The following ASCC3 variants were observed in gnomAD, a reference collection of about 807,000 sequenced individuals.
ASCC3 encodes the protein activating signal cointegrator 1 complex subunit 3, also known as ASC-1 complex subunit P200.
Under a neutral mutation model 256.3 loss-of-function variants are expected in ASCC3, and 158 were observed. The ratio of observed to expected loss-of-function variants is 0.62; its 90% CI spans 0.54 to 0.70. The LOEUF is 0.70. ASCC3 is among the 30% of genes least tolerant of loss of function. ASCC3 has a pLI of 0.00. For synonymous variants in ASCC3, 948 were observed against 883.4 expected (o/e 1.07, Z -1.30); for missense variants, 2,259 against 2,626.0 (o/e 0.86, Z 3.05).
At chr6:100,546,890 GA>G (rs1582425950) in intron 36 of ASCC3, among the ~76,000 whole-genome samples, 1 of 151,622 alleles carries the variant, frequency 6.6e-6, no homozygotes, top group Non-Finnish European at 1.5e-5. Flanking sequence ...TGACCCCATG[GA>G]AAAAAATATC....
At chr6:100,656,962 C>T (rs1380841713) in intron 16 of ASCC3, among the ~76,000 whole-genome samples, 3 of 150,842 alleles carry the variant, frequency 2.0e-5, no homozygotes, top group Admixed American at 1.3e-4. Context: ...CAAACCCTCT[C>T]GATTTAGTCC....
intron 8 of ASCC3, among the ~76,000 whole-genome samples, chr6:100,786,249 T>A (rs557168540): frequency 6.6e-6 from 1 of 152,160 alleles, no homozygotes. Flanking sequence ...TAGGGTGCTA[T>A]GTCAATAGTT....
intron 10 of ASCC3, among the ~76,000 whole-genome samples, chr6:100,729,372 T>G (rs1779791686): frequency 6.6e-6 from 1 of 152,158 alleles, no homozygotes; most frequent in Non-Finnish European, 1.5e-5. Context: ...TAGAAGAAGA[T>G]CTCGAACAAA....
chr6:100,543,355 T>C (rs1228702648), intron 36 of ASCC3, among the ~76,000 whole-genome samples: 1 of 152,122 alleles, frequency 6.6e-6, no homozygotes, highest in Non-Finnish European at 1.5e-5. Context: ...AATTGATTAA[T>C]CTATGAATGC....
chr6:100,736,746 C>T (rs9373587), intron 10 of ASCC3, among the ~76,000 whole-genome samples: 143,142 of 152,248 alleles, frequency 0.94, 67,611 homozygotes, highest in South Asian at 0.99. Flanking sequence ...ATGAATGTTG[C>T]TAAGGAAGGG....
intron 37 of ASCC3, among the ~76,000 whole-genome samples, chr6:100,529,619 C>T (rs780725755): frequency 2.6e-5 from 4 of 151,886 alleles, no homozygotes; most frequent in South Asian, 2.1e-4. Flanking sequence ...TGGGAATTCT[C>T]GGTTAAAAAA....
At position 100,517,194 on chromosome 6, in the gene ASCC3, C is replaced by T. The variant is rs550952391; in HGVS notation, c.5927+797G>A. The stretch of plus-strand genomic sequence containing the variant: ...ATTTAAGTCAAATTGAGGGACTTTC[C>T]TGAGGAGACTTGCTGTGTGCCTGAG... On this transcript the variant is annotated intron_variant, in intron 38 of 41. Transcript: ENST00000369162. Among the ~76,000 whole-genome samples, 4 of 152,166 alleles carry T rather than the reference C, an allele frequency of 2.6e-5. No individual in the cohort carries two copies. The East Asian group carries it at 7.7e-4, about 29-fold the overall frequency.
intron 22 of ASCC3, among the ~76,000 whole-genome samples, chr6:100,644,911 C>T (rs992328169): frequency 6.6e-6 from 1 of 152,214 alleles, no homozygotes; most frequent in Non-Finnish European, 1.5e-5. Flanking sequence ...CCAAAAGTGT[C>T]AGCAGAGCAA....
At chr6:100,771,541 A>ATATAT (rs1554228090) in intron 8 of ASCC3, among the ~76,000 whole-genome samples, 1 of 1,424 alleles carries the variant, frequency 7.0e-4, no homozygotes, top group Non-Finnish European at 0.012. Flanking sequence ...TACGTAGAAT[A>ATATAT]AAAAAACTCA....
intron 11 of ASCC3, among the ~76,000 whole-genome samples, chr6:100,723,676 G>A (rs1400704262): frequency 6.6e-6 from 1 of 150,892 alleles, no homozygotes; most frequent in Non-Finnish European, 1.5e-5. Context: ...TATTAAGGAA[G>A]AGGGAAAGCC....
intron 25 of ASCC3, among the ~76,000 whole-genome samples, chr6:100,638,019 C>T (rs1389749821): frequency 6.6e-6 from 1 of 152,070 alleles, no homozygotes; most frequent in Non-Finnish European, 1.5e-5. Context: ...TTTTGAAAGA[C>T]GTTCTATCGT....
chr6:100,759,210 T>C (rs1781323550), intron 10 of ASCC3, among the ~76,000 whole-genome samples: 1 of 152,218 alleles, frequency 6.6e-6, no homozygotes. Context: ...CTGATGATAG[T>C]TTCTTCTGCT....
intron 4 of ASCC3, among the ~76,000 whole-genome samples, chr6:100,815,996 T>A (rs1019620455): frequency 6.6e-6 from 1 of 151,764 alleles, no homozygotes; most frequent in Non-Finnish European, 1.5e-5. Flanking sequence ...TGAGAGAAAA[T>A]ATTTGCAAAC....
chr6:100,647,577 A>T, intron 20 of ASCC3, 126 bp from the exon 21 acceptor site: 1 of 795,852 alleles, frequency 1.3e-6, no homozygotes, highest in Non-Finnish European at 2.1e-6. Flanking sequence ...ATTGTGGGGC[A>T]ATATCTTTTC....
At chr6:100,864,016 C>T in intron 3 of ASCC3, 48 bp downstream of exon 3, 1 of 1,404,102 alleles carries the variant, frequency 7.1e-7, no homozygotes. Flanking sequence ...TGTTTTTGAA[C>T]CTTACTGGTT....
intron 36 of ASCC3, among the ~76,000 whole-genome samples, chr6:100,581,463 A>G (rs920720374): frequency 9.9e-5 from 15 of 151,796 alleles, no homozygotes; most frequent in Admixed American, 8.5e-4. Flanking sequence ...GTTTAAGTTC[A>G]TTGTAGATTC....
intron 37 of ASCC3, among the ~76,000 whole-genome samples, chr6:100,536,086 AG>A (rs1775147386): frequency 6.6e-6 from 1 of 152,178 alleles, no homozygotes; most frequent in Admixed American, 6.5e-5. Flanking sequence ...AAGTCTCTAA[AG>A]GAAAAAAAGA....
At position 100,589,688 on chromosome 6, in the gene ASCC3, G is replaced by A; in HGVS notation, c.5496C>T (p.Phe1832=). 1 of 1,613,734 alleles carries A rather than the reference G, an allele frequency of 6.2e-7. No homozygotes were observed. The highest frequency in any genetic ancestry group is 8.5e-7 in the Non-Finnish European group (1 of 1,179,810). The change falls in exon 36 of 42, where the codon TTC becomes TTT. Residue 1832 remains phenylalanine (F), a synonymous_variant. Transcript: ENST00000369162. ...YYLKHQTVKM[F]KDRLKPECST... is the part of the protein sequence containing the mutation. ...TGCATTCAGGCTTCAAGCGGTCCTT[G>A]AACATTTTAACTGTTTGATGCTTCA...
intron 8 of ASCC3, among the ~76,000 whole-genome samples, chr6:100,768,418 A>T (rs1781767830): frequency 6.6e-6 from 1 of 152,178 alleles, no homozygotes; most frequent in African/African-American, 2.4e-5. Context: ...ACTGGCAGAA[A>T]CTTGGAATGG....
Sources: allele counts gnomAD v4.1 joint callset (sites outside exome capture counted in the v4.1 genomes callset), GRCh38; gene constraint gnomAD v4.1.1; transcripts MANE v1.5; gene names NCBI Gene and HGNC (gene_info 2026-07-23, HGNC 2026-07-21).